Variants in GABBR2 observed in about 807,000 individuals in gnomAD.
The protein encoded by GABBR2 is gamma-aminobutyric acid type B receptor subunit 2.
Under a neutral mutation model 105.6 loss-of-function variants are expected in GABBR2, and 23 were observed. The ratio of observed to expected loss-of-function variants is 0.22; its 90% CI spans 0.16 to 0.31. GABBR2 has a LOEUF of 0.31. GABBR2 is among the 10% of genes least tolerant of loss of function. The pLI is 1.00. For missense variants in GABBR2, 734 were observed against 1,245.5 expected (o/e 0.59, Z 6.18); for synonymous variants, 478 against 499.7 (o/e 0.96, Z 0.58).
In GABBR2 at chr9:98,362,757, A is replaced by G. The variant is rs1367884140; in HGVS notation, c.1851T>C (p.Ala617=). Reference sequence around the variant, plus strand: ...CCACTGTCCTTCGCAGGGGGTCCACAGCCTGCCAGCAGATCAGGATACACA... The same window carrying G: ...CCACTGTCCTTCGCAGGGGGTCCACGGCCTGCCAGCAGATCAGGATACACA... ...IDLCILICWQ[A]VDPLRRTVEK... Residue 617 remains alanine (A), a synonymous_variant, in exon 13 of 19, where the codon GCT becomes GCC. Transcript: ENST00000259455. The G allele has an allele frequency of 2.5e-6, 4 of 1,604,788 alleles. No individual in the cohort carries two copies. The highest frequency in any genetic ancestry group is 4.5e-5 in the East Asian group (2 of 44,172).
chr9:98,594,915 C>G (rs1033738622), intron 1 of GABBR2, among the ~76,000 whole-genome samples: 2 of 152,186 alleles, frequency 1.3e-5, no homozygotes, highest in African/African-American at 4.8e-5. Flanking sequence ...TACTGAGGAT[C>G]TCTTTCAGGC....
chr9:98,511,779 A>C (rs1384594707), intron 3 of GABBR2, among the ~76,000 whole-genome samples: 1 of 152,174 alleles, frequency 6.6e-6, no homozygotes, highest in African/African-American at 2.4e-5. Flanking sequence ...ATTACCAACC[A>C]AAAAAATTCC....
chr9:98,377,180 TG>T (rs1310280677), intron 11 of GABBR2, among the ~76,000 whole-genome samples: 1 of 102,580 alleles, frequency 9.7e-6, no homozygotes, highest in Non-Finnish European at 1.8e-5. Flanking sequence ...GACTGGAGGT[TG>T]GGGAGCTTTT....
chr9:98,708,652 A>T lies in GABBR2; in HGVS notation c.86T>A (p.Leu29Gln). The change falls in exon 1 of 19, where the codon CTG (leucine) becomes CAG (glutamine). Residue 29 changes from leucine (L) to glutamine (Q), a missense_variant. Transcript: ENST00000259455. ...PPARLLLLLLLPLLLPLAPGA... is the reference protein window; with the variant it reads ...PPARLLLLLLQPLLLPLAPGA... Reference sequence around the variant, plus strand: ...GGGCGCCAGAGGCAGCAGCAGCGGCAGCAGCAGTAGCAGTAGCAGGCGCGC... The same window carrying T: ...GGGCGCCAGAGGCAGCAGCAGCGGCTGCAGCAGTAGCAGTAGCAGGCGCGC... 3 of 1,210,874 alleles carry T rather than the reference A, an allele frequency of 2.5e-6. No homozygotes were observed. Among genetic ancestry groups the T allele is most frequent in the Non-Finnish European group, 3.1e-6 (3 of 973,784 alleles). The allele number at this position is 1,210,874 out of a possible 1,614,324, so 75.0% of individuals were successfully genotyped here.
intron 6 of GABBR2, among the ~76,000 whole-genome samples, chr9:98,472,483 T>C (rs546382866): frequency 5.6e-4 from 85 of 152,274 alleles, no homozygotes; most frequent in African/African-American, 2.0e-3. Context: ...GACACCATGC[T>C]AGTGGCTTGC....
intron 3 of GABBR2, among the ~76,000 whole-genome samples, chr9:98,500,403 C>T (rs953989097): frequency 2.0e-5 from 3 of 152,160 alleles, no homozygotes; most frequent in Non-Finnish European, 4.4e-5. Flanking sequence ...TAGAAGGCTG[C>T]CCCTCACCTG....
intron 2 of GABBR2, among the ~76,000 whole-genome samples, chr9:98,563,054 A>G (rs1828698483): frequency 8.1e-6 from 1 of 123,434 alleles, no homozygotes; most frequent in African/African-American, 3.2e-5. Flanking sequence ...TGGGTGACAG[A>G]GCGAGACCCT....
intron 3 of GABBR2, among the ~76,000 whole-genome samples, chr9:98,510,776 C>A (rs1307739623): frequency 6.6e-6 from 1 of 151,956 alleles, no homozygotes; most frequent in African/African-American, 2.4e-5. Flanking sequence ...TAAAGCAAGT[C>A]CTGAGTGACC....
rs182433099 is a variant in GABBR2 at position 98,290,553 on chromosome 9, G to C, written c.*31C>G. ...CCTCTGCCCAGTGTGGTTCTGTCAC[G>C]GGGGAGGCCCCGGGCCCAGGCCTCC... On this transcript the variant is annotated 3_prime_UTR_variant, in exon 19 of 19. Transcript: ENST00000259455. 5 of 1,334,796 alleles carry C rather than the reference G, an allele frequency of 3.7e-6. No individual in the cohort carries two copies. The highest frequency in any genetic ancestry group is 3.5e-5 in the Admixed American group (1 of 28,174). The allele number at this position is 1,334,796 out of a possible 1,614,324, so 82.7% of individuals were successfully genotyped here.
intron 13 of GABBR2, among the ~76,000 whole-genome samples, chr9:98,318,219 G>T (rs900661506): frequency 4.6e-5 from 7 of 152,228 alleles, no homozygotes; most frequent in African/African-American, 1.4e-4. Context: ...GCGGTCCCGG[G>T]TGGGGCCTGG....
chr9:98,620,289 T>C (rs1829651097), intron 1 of GABBR2, among the ~76,000 whole-genome samples: 1 of 150,794 alleles, frequency 6.6e-6, no homozygotes, highest in African/African-American at 2.4e-5. Context: ...AGCCCTGAAT[T>C]ATTTGTGTGT....
chr9:98,675,390 A>G (rs963697878), intron 1 of GABBR2, among the ~76,000 whole-genome samples: 12 of 152,132 alleles, frequency 7.9e-5, no homozygotes, highest in African/African-American at 2.7e-4. Flanking sequence ...CAGTGAGGCT[A>G]TGAAGAAAGG....
chr9:98,494,513 A>G (rs947491150), intron 4 of GABBR2, among the ~76,000 whole-genome samples: 1 of 152,184 alleles, frequency 6.6e-6, no homozygotes, highest in African/African-American at 2.4e-5. Context: ...AAGTACGTGC[A>G]GAGCAGTGGA....
At chr9:98,513,200 C>T (rs1434089406) in intron 3 of GABBR2, among the ~76,000 whole-genome samples, 1 of 151,604 alleles carries the variant, frequency 6.6e-6, no homozygotes, top group East Asian at 1.9e-4. Flanking sequence ...ACTGGCTAGC[C>T]ATATGTAGAA....
At chr9:98,443,977 A>G (rs931793767) in intron 7 of GABBR2, among the ~76,000 whole-genome samples, 8 of 152,232 alleles carry the variant, frequency 5.3e-5, no homozygotes, top group African/African-American at 1.9e-4. Flanking sequence ...ATGCTGGTTG[A>G]ATTAATTGGA....
At chr9:98,375,024 A>T (rs1831848089) in intron 11 of GABBR2, 1 of 152,198 alleles carries the variant, frequency 6.6e-6, no homozygotes, top group Admixed American at 6.5e-5. Context: ...AGGGCTCCAC[A>T]GTGAGTCCCC....
intron 1 of GABBR2, among the ~76,000 whole-genome samples, chr9:98,665,882 A>G (rs887314195): frequency 1.3e-5 from 2 of 152,194 alleles, no homozygotes; most frequent in African/African-American, 4.8e-5. Context: ...ACATTTGAAC[A>G]TCTTCAACCC....
intron 15 of GABBR2, among the ~76,000 whole-genome samples, chr9:98,305,355 G>A (rs773877283): frequency 6.6e-6 from 1 of 152,198 alleles, no homozygotes; most frequent in South Asian, 2.1e-4. Flanking sequence ...GTGTTATGCA[G>A]AAAAAATGTT....
chr9:98,522,152 A>G (rs993150289), intron 3 of GABBR2, among the ~76,000 whole-genome samples: 26 of 151,728 alleles, frequency 1.7e-4, no homozygotes, highest in Admixed American at 3.9e-4. Context: ...GTAAAAAAAA[A>G]CTGATGAATA....
Sources: allele counts gnomAD v4.1 joint callset (sites outside exome capture counted in the v4.1 genomes callset), GRCh38; gene constraint gnomAD v4.1.1; transcripts MANE v1.5; gene names NCBI Gene and HGNC (gene_info 2026-07-23, HGNC 2026-07-21).